Variants in CSMD1 observed in about 807,000 individuals in gnomAD.
The protein encoded by CSMD1 is CUB and Sushi multiple domains 1, also known as CUB and sushi domain-containing protein 1.
In CSMD1, 213 loss-of-function variants were observed where a neutral mutation model predicts 417.5. The ratio of observed to expected loss-of-function variants is 0.51; its 90% CI spans 0.46 to 0.57. The LOEUF is 0.57. CSMD1 is among the 20% of genes least tolerant of loss of function. The pLI, the probability that CSMD1 is intolerant of heterozygous loss-of-function variation, is 0.00. For synonymous variants in CSMD1, 2,862 were observed against 1,736.8 expected (o/e 1.65, Z -16.11); for missense variants, 6,923 against 4,529.7 (o/e 1.53, Z -15.17).
chr8:2,948,794 C>A (rs957654630), intron 68 of CSMD1, among the ~76,000 whole-genome samples: 1 of 152,098 alleles, frequency 6.6e-6, no homozygotes, highest in Non-Finnish European at 1.5e-5. Context: ...TCTACCCATA[C>A]ATCCATCAAA....
At chr8:4,927,130 G>A (rs1374714264) in intron 1 of CSMD1, among the ~76,000 whole-genome samples, 1 of 138,882 alleles carries the variant, frequency 7.2e-6, no homozygotes. Context: ...TATTAAGATA[G>A]ACACTCACTC....
At chr8:4,045,537 C>G (rs1314459989) in intron 3 of CSMD1, among the ~76,000 whole-genome samples, 1 of 152,138 alleles carries the variant, frequency 6.6e-6, no homozygotes, top group East Asian at 1.9e-4. Flanking sequence ...CTGTGGGCAG[C>G]AGATGCTGTT....
At chr8:4,219,242 TA>T (rs548607257) in intron 3 of CSMD1, among the ~76,000 whole-genome samples, 40 of 152,344 alleles carry the variant, frequency 2.6e-4, no homozygotes, top group African/African-American at 9.4e-4. Flanking sequence ...CTCCATCTGC[TA>T]AATATAGTTA....
At chr8:3,962,616 C>T (rs1991280) in intron 5 of CSMD1, among the ~76,000 whole-genome samples, 7 of 151,878 alleles carry the variant, frequency 4.6e-5, no homozygotes, top group African/African-American at 1.7e-4. Context: ...AGGAGAGGAT[C>T]ATTGGCTGAA....
chr8:3,008,732 T>A (rs11774251), intron 52 of CSMD1, among the ~76,000 whole-genome samples: 2,395 of 152,284 alleles, frequency 0.016, 25 homozygotes, highest in East Asian at 0.038. Flanking sequence ...TAGCTATCCG[T>A]ACTGTTTCTG....
At chr8:4,857,069 T>G (rs2116857502) in intron 1 of CSMD1, among the ~76,000 whole-genome samples, 1 of 148,642 alleles carries the variant, frequency 6.7e-6, no homozygotes, top group African/African-American at 2.5e-5. Context: ...AAACTATCTC[T>G]CAGACCACAG....
At chr8:3,165,902 C>G (rs963750849) in intron 37 of CSMD1, among the ~76,000 whole-genome samples, 3 of 151,942 alleles carry the variant, frequency 2.0e-5, no homozygotes, top group African/African-American at 7.3e-5. Flanking sequence ...AACAGAAAAG[C>G]CAGAAAGGAG....
Position 4,110,614 on chromosome 8 carries a change from C to G in CSMD1, c.416-78515G>C, listed in dbSNP as rs867356739. ...CTGAAAACCATTTTGTACTTTCTCC[C>G]TAATATATACCTGATATATACAGGT... On this transcript the variant is annotated intron_variant, in intron 3 of 69. Coordinates refer to ENST00000635120, the MANE Select transcript of CSMD1 (RefSeq NM_033225.6). 5.1e-4 allele frequency among the ~76,000 whole-genome samples: 70 copies of G among 136,912 alleles called. 1 individual carries two copies. The highest frequency in any genetic ancestry group is 1.9e-3 in the African/African-American group (70 of 36,268). The allele number at this position is 136,912 out of a possible 152,430, so 89.8% of individuals were successfully genotyped here. A position where few individuals can be genotyped will look rare whatever the true frequency, so the allele number is the denominator to read the frequency against.
intron 2 of CSMD1, among the ~76,000 whole-genome samples, chr8:4,495,418 A>T (rs1163538648): frequency 6.6e-6 from 1 of 152,082 alleles, no homozygotes. Context: ...TACTAAAAAT[A>T]CAGAAAATTA....
intron 1 of CSMD1, among the ~76,000 whole-genome samples, chr8:4,754,178 ACC>A (rs1304237901): frequency 3.3e-5 from 5 of 152,200 alleles, no homozygotes; most frequent in Non-Finnish European, 7.4e-5. Flanking sequence ...ATGGGCTGAA[ACC>A]TGTGCACTCC....
chr8:4,871,487 C>A (rs1330205774), intron 1 of CSMD1, among the ~76,000 whole-genome samples: 1 of 152,070 alleles, frequency 6.6e-6, no homozygotes, highest in Admixed American at 6.5e-5. Flanking sequence ...ATCAAGTTGA[C>A]CCAACGCCCG....
intron 3 of CSMD1, among the ~76,000 whole-genome samples, chr8:4,308,303 G>A (rs558942830): frequency 2.0e-5 from 3 of 152,110 alleles, no homozygotes; most frequent in East Asian, 3.9e-4. Flanking sequence ...GAAGTTTGAA[G>A]TGTATGTGTG....
At chr8:3,303,721 G>A (rs868250919) in intron 25 of CSMD1, among the ~76,000 whole-genome samples, 2 of 152,120 alleles carry the variant, frequency 1.3e-5, no homozygotes, top group South Asian at 4.1e-4. Context: ...TGTTACTTTT[G>A]TTACATAAAG....
rs370693209 is a variant in CSMD1, at chr8:4,571,797, G to A, written c.302+65545C>T. ...GTACGTCTCTAAGAACTTGCTTTCCGAATCTGGGGGCTTCTATATTGGGTG... is the reference window on the plus strand; with the variant it reads ...GTACGTCTCTAAGAACTTGCTTTCCAAATCTGGGGGCTTCTATATTGGGTG... On this transcript the variant is annotated intron_variant, in intron 2 of 69. Coordinates refer to ENST00000635120, the MANE Select transcript of CSMD1 (RefSeq NM_033225.6). Among the ~76,000 whole-genome samples the A allele has an allele frequency of 3.3e-4, 51 of 152,240 alleles. 1 individual carries two copies. In the South Asian group the frequency reaches 6.4e-3, roughly 19 times the overall value.
chr8:3,652,826 T>C (rs1193370990), intron 7 of CSMD1, among the ~76,000 whole-genome samples: 1 of 152,184 alleles, frequency 6.6e-6, no homozygotes, highest in Non-Finnish European at 1.5e-5. Context: ...CAAGACTTTG[T>C]TTTGCTCACT....
chr8:4,143,424 A>C lies in CSMD1; in HGVS notation c.416-111325T>G, dbSNP rs952686610. 2.7e-5 allele frequency among the ~76,000 whole-genome samples: 4 copies of C among 150,102 alleles called. 1 individual carries two copies. Among genetic ancestry groups the C allele is most frequent in the African/African-American group, 1.0e-4 (4 of 39,788 alleles). ...AGTTAATTAGGTGGAACCCAGGCTGAAAGTTCGGATACCTTTGGTAAATTT... is the reference window on the plus strand; with the variant it reads ...AGTTAATTAGGTGGAACCCAGGCTGCAAGTTCGGATACCTTTGGTAAATTT... On this transcript the variant is annotated intron_variant, in intron 3 of 69. Coordinates refer to ENST00000635120, the MANE Select transcript of CSMD1 (RefSeq NM_033225.6).
chr8:4,068,765 T>G (rs1467558529), intron 3 of CSMD1, among the ~76,000 whole-genome samples: 1 of 152,196 alleles, frequency 6.6e-6, no homozygotes. Context: ...AATAATGATT[T>G]TCTGAACAGA....
At chr8:4,013,448 G>C (rs1021966196) in intron 4 of CSMD1, among the ~76,000 whole-genome samples, 4 of 152,102 alleles carry the variant, frequency 2.6e-5, no homozygotes, top group African/African-American at 4.8e-5. Context: ...TCTACTATCA[G>C]GGGGGTTTCC....
Position 4,334,430 on chromosome 8 carries a change from G to C in CSMD1, c.415+85523C>G, listed in dbSNP as rs73506643. ...AGAGCAAATACTGAGGTTTTCCAAA[G>C]AGATTCTTTCTCAAGACTGCAACAT... On this transcript the variant is annotated intron_variant, in intron 3 of 69. Coordinates refer to ENST00000635120, the MANE Select transcript of CSMD1 (RefSeq NM_033225.6). 1.1e-3 allele frequency among the ~76,000 whole-genome samples: 166 copies of C among 152,238 alleles called. 1 individual carries two copies. Among genetic ancestry groups the C allele is most frequent in the African/African-American group, 3.8e-3 (159 of 41,554 alleles).
Sources: allele counts gnomAD v4.1 joint callset (sites outside exome capture counted in the v4.1 genomes callset), GRCh38; gene constraint gnomAD v4.1.1; transcripts MANE v1.5; gene names NCBI Gene and HGNC (gene_info 2026-07-23, HGNC 2026-07-21).